The following RAD52 variants were observed in gnomAD, a reference collection of about 807,000 sequenced individuals.
RAD52 encodes the protein RAD52 DNA repair protein.
RAD52 carries 47 observed loss-of-function variants against 55.5 expected under a neutral mutation model. That is an observed-to-expected ratio of 0.85 (90% CI 0.67 to 1.08). The LOEUF (loss-of-function observed/expected upper bound fraction) is 1.08, where lower values mean the gene tolerates loss of function less well. Ranked by LOEUF, RAD52 falls within the 50% of genes least tolerant of loss-of-function variation. The pLI is 0.00. For synonymous variants in RAD52, 184 were observed against 198.9 expected, an observed-to-expected ratio of 0.92 and a Z score of 0.63; for missense variants, 468 against 522.8, an observed-to-expected ratio of 0.90 and a Z score of 1.02.
At chr12:978,637 C>T (rs1295545946) in intron 1 of RAD52, among the ~76,000 whole-genome samples, 2 of 152,040 alleles carry the variant, frequency 1.3e-5, no homozygotes, top group African/African-American at 4.8e-5. Context: ...CCCGTCTCCA[C>T]TAAAATACAA....
At position 933,017 on chromosome 12, in the gene RAD52, G is replaced by A. The variant is rs559326074; in HGVS notation, c.42C>T (p.Ser14=). The change falls in exon 2 of 12, where the codon AGC becomes AGT. Residue 14 remains serine, a synonymous_variant. Transcript: ENST00000358495. The part of the protein sequence containing the change: ...TEEAILGGRD[S]HPAAGGGSVL... ...CTGAGCCGCCGCCAGCAGCAGGATG[G>A]CTGTCACGTCCTCCAAGAATTGCTT... 5 of 1,613,932 alleles carry A rather than the reference G, an allele frequency of 3.1e-6. No individual in the cohort carries two copies. The Admixed American group carries it at 8.3e-5, about 27-fold the overall frequency.
intron 1 of RAD52, among the ~76,000 whole-genome samples, chr12:942,964 T>G (rs906367066): frequency 2.0e-5 from 3 of 152,140 alleles, no homozygotes; most frequent in Admixed American, 1.3e-4. Context: ...AAAGGTTATA[T>G]AAATAACTGC....
At chr12:914,392 ATACAGCACAGTAGCT>A in intron 10 of RAD52, 24 bp downstream of exon 10, 4 of 1,611,252 alleles carry the variant, frequency 2.5e-6, no homozygotes, top group Non-Finnish European at 3.4e-6. Context: ...TACTAGAAAC[ATACAGCACAGTAGCT>A]TACAAGCATT....
At chr12:922,111 G>A (rs2154111332) in intron 7 of RAD52, among the ~76,000 whole-genome samples, 1 of 103,984 alleles carries the variant, frequency 9.6e-6, no homozygotes, top group South Asian at 3.7e-4. Flanking sequence ...TCTCAAAAAA[G>A]AAAATATGGT....
At chr12:937,005 G>A (rs1340486748) in intron 1 of RAD52, 4 of 152,222 alleles carry the variant, frequency 2.6e-5, no homozygotes, top group Non-Finnish European at 5.9e-5. Context: ...CCTTGGAGGT[G>A]TAAGGGTCTG....
In RAD52 at chr12:925,043, CG is replaced by C. The variant is rs1358552987; in HGVS notation, c.543+406del. On this transcript the variant is annotated intron_variant, in intron 7 of 11. Coordinates refer to ENST00000358495, the MANE Select transcript of RAD52 (RefSeq NM_134424.4). ...TCGGCTCACTGCAAGCTCTGCCTCC[CG>C]GGTTCACGCCATTCTCCTGCCTCAG... Among the ~76,000 whole-genome samples the C allele has an allele frequency of 2.0e-5, 3 of 151,646 alleles. No individual in the cohort carries two copies. The East Asian group carries it at 5.8e-4, about 30-fold the overall frequency.
intron 7 of RAD52, among the ~76,000 whole-genome samples, chr12:918,237 C>T (rs991012383): frequency 1.3e-5 from 2 of 152,146 alleles, no homozygotes; most frequent in Admixed American, 6.5e-5. Flanking sequence ...AATAAATTGC[C>T]ACATACTCAT....
rs994490969 is a variant in RAD52, at chr12:947,900, A to C, written c.-19+1702T>G. Among the ~76,000 whole-genome samples, 25 of 146,560 alleles carry C rather than the reference A, an allele frequency of 1.7e-4. No individual in the cohort carries two copies. In the South Asian group the frequency reaches 3.6e-3, roughly 21 times the overall value. ...AAACTTCATCTCAAAAAAAAAAAAA[A>C]AACAAAAAAAAAACTGCCCTAAACG... On this transcript the variant is annotated intron_variant, in intron 1 of 11. Transcript: ENST00000358495.
chr12:989,788 C>A (rs370580901), intron 1 of RAD52: 11 of 152,294 alleles, frequency 7.2e-5, no homozygotes, highest in African/African-American at 1.9e-4. Context: ...TCTATTGACT[C>A]CTAGTTGAAT....
rs988648076 is a variant in RAD52, at chr12:911,974, A to AGAT, written c.*1414_*1416dup. The AGAT allele has an allele frequency of 5.1e-6, 1 of 194,830 alleles. No homozygotes were observed. The highest frequency in any genetic ancestry group is 2.3e-5 in the African/African-American group (1 of 43,124). 12.1% of individuals were successfully genotyped at this position (194,830 alleles called of 1,614,324 possible). ...GGCAGGCGGAGGCTGCAATGAGTCAAGATGGCACCGCTGCACTCCAGCCTG... is the reference window on the plus strand; with the variant it reads ...GGCAGGCGGAGGCTGCAATGAGTCAAGATGATGGCACCGCTGCACTCCAGCCTG... On this transcript the variant is annotated 3_prime_UTR_variant, in exon 12 of 12. Coordinates refer to ENST00000358495, the MANE Select transcript of RAD52 (RefSeq NM_134424.4).
chr12:932,723 A>G (rs1957385402), intron 2 of RAD52, among the ~76,000 whole-genome samples: 1 of 142,736 alleles, frequency 7.0e-6, no homozygotes, highest in Non-Finnish European at 1.5e-5. Context: ...CATCTAAAGG[A>G]AAAACCAATA....
At chr12:915,997 A>T (rs186062754) in intron 9 of RAD52, among the ~76,000 whole-genome samples, 2 of 152,186 alleles carry the variant, frequency 1.3e-5, no homozygotes, top group African/African-American at 4.8e-5. Flanking sequence ...GATTACGGAC[A>T]TGAGCCACCG....
chr12:955,214 T>G (rs1160641999), intron 1 of RAD52, among the ~76,000 whole-genome samples: 8 of 152,222 alleles, frequency 5.3e-5, no homozygotes, highest in Admixed American at 1.3e-4. Flanking sequence ...AAGATTTATA[T>G]GCATACAAAA....
chr12:958,822 G>A (rs1338004868), intron 1 of RAD52, among the ~76,000 whole-genome samples: 2 of 152,170 alleles, frequency 1.3e-5, no homozygotes, highest in African/African-American at 4.8e-5. Flanking sequence ...CAGCTAGGAT[G>A]GAGGCTGGCT....
At chr12:963,277 C>CA (rs1375263277) in intron 1 of RAD52, among the ~76,000 whole-genome samples, 4 of 152,138 alleles carry the variant, frequency 2.6e-5, no homozygotes, top group African/African-American at 9.7e-5. Flanking sequence ...AGTGTTAATA[C>CA]CTCTCATTCA....
intron 1 of RAD52, among the ~76,000 whole-genome samples, chr12:947,615 G>A (rs1226289294): frequency 5.4e-5 from 8 of 149,246 alleles, no homozygotes; most frequent in African/African-American, 1.5e-4. Context: ...ACCCAGGCGC[G>A]GTGGCTCACA....
upstream of RAD52, among the ~76,000 whole-genome samples, chr12:950,812 C>T (rs1256368711): frequency 1.3e-5 from 2 of 152,084 alleles, no homozygotes; most frequent in Admixed American, 1.3e-4. Context: ...CTATGCTGTG[C>T]AATAAATCTC....
At chr12:977,275 C>T (rs972047732) in intron 1 of RAD52, among the ~76,000 whole-genome samples, 1 of 152,180 alleles carries the variant, frequency 6.6e-6, no homozygotes, top group African/African-American at 2.4e-5. Flanking sequence ...GCTGCATGTG[C>T]AATGTCTTGC....
rs1956159732 is a variant in RAD52, at chr12:912,735, A to AAAC, written c.*655_*656insGTT. ...CAGACCCCGTCTCAAAAAAAAAAAA[A>AAAC]AAAAAAAAAACAAAAAACAGCCTTT... On this transcript the variant is annotated 3_prime_UTR_variant, in exon 12 of 12. Coordinates refer to ENST00000358495, the MANE Select transcript of RAD52 (RefSeq NM_134424.4). 1 of 139,140 alleles carries AAAC rather than the reference A, an allele frequency of 7.2e-6. No individual in the cohort carries two copies. Among genetic ancestry groups the AAAC allele is most frequent in the Non-Finnish European group, 1.6e-5 (1 of 63,866 alleles). The allele number at this position is 139,140 out of a possible 1,614,324, so 8.6% of individuals were successfully genotyped here.
Sources: allele counts gnomAD v4.1 joint callset (sites outside exome capture counted in the v4.1 genomes callset), GRCh38; gene constraint gnomAD v4.1.1; transcripts MANE v1.5; gene names NCBI Gene and HGNC (gene_info 2026-07-23, HGNC 2026-07-21).